The following PRKD1 variants were observed in gnomAD, a reference collection of about 807,000 sequenced individuals.
The protein encoded by PRKD1 is serine/threonine-protein kinase D1.
A neutral mutation model predicts 95.9 loss-of-function variants in PRKD1; 63 were observed. The observed-to-expected ratio is 0.66, with a 90% CI of 0.54 to 0.81. The LOEUF is 0.81. PRKD1 is among the 30% of genes least tolerant of loss of function. PRKD1 has a pLI of 0.00. For synonymous variants in PRKD1, 425 were observed against 423.1 expected (o/e 1.00, Z -0.05); for missense variants, 1,048 against 1,165.3 (o/e 0.90, Z 1.47).
In PRKD1 at chr14:29,705,915, C is replaced by A. The variant is rs372404603; in HGVS notation, c.403+19621G>T. On this transcript the variant is annotated intron_variant, in intron 2 of 17. Coordinates refer to ENST00000331968, the MANE Select transcript of PRKD1 (RefSeq NM_002742.3). ...CTACTTTTGGCTATAATTAATAATG[C>A]TACTATGAATATTTGTGTATAAACT... Among the ~76,000 whole-genome samples the A allele has an allele frequency of 8.6e-4, 131 of 152,184 alleles. 4 individuals carry two copies. In the South Asian group the frequency reaches 0.025, roughly 30 times the overall value.
intron 6 of PRKD1, among the ~76,000 whole-genome samples, 197 bp from the exon 7 acceptor site, chr14:29,636,691 T>C (rs1430202489): frequency 1.3e-5 from 2 of 152,202 alleles, no homozygotes; most frequent in Non-Finnish European, 2.9e-5. Flanking sequence ...TAAACTTGTG[T>C]CATGGGGGTT....
At chr14:29,902,454 T>G (rs1332289148) in intron 1 of PRKD1, among the ~76,000 whole-genome samples, 1 of 152,222 alleles carries the variant, frequency 6.6e-6, no homozygotes, top group Non-Finnish European at 1.5e-5. Flanking sequence ...TTAACAGTTG[T>G]TAATTGTGTA....
intron 1 of PRKD1, among the ~76,000 whole-genome samples, chr14:29,886,672 C>T (rs1212790480): frequency 6.6e-6 from 1 of 152,190 alleles, no homozygotes; most frequent in Non-Finnish European, 1.5e-5. Context: ...AGCCAATTCT[C>T]TTAATAAAAC....
At chr14:29,750,168 A>G (rs2139458154) in intron 1 of PRKD1, among the ~76,000 whole-genome samples, 1 of 152,282 alleles carries the variant, frequency 6.6e-6, no homozygotes, top group Non-Finnish European at 1.5e-5. Context: ...ATTCTAGTAA[A>G]GCAAATTTGT....
chr14:29,919,761 T>C (rs1895021424), intron 1 of PRKD1, among the ~76,000 whole-genome samples: 1 of 144,904 alleles, frequency 6.9e-6, no homozygotes, highest in South Asian at 2.1e-4. Flanking sequence ...AGCACAGGAG[T>C]TCAAGACCAT....
chr14:29,857,953 C>A (rs1018939591), intron 1 of PRKD1, among the ~76,000 whole-genome samples: 1 of 152,132 alleles, frequency 6.6e-6, no homozygotes, highest in Non-Finnish European at 1.5e-5. Context: ...ATCATAGTAC[C>A]ACAGTGAAAT....
At chr14:29,727,201 T>C (rs1254809154) in intron 1 of PRKD1, among the ~76,000 whole-genome samples, 3 of 152,214 alleles carry the variant, frequency 2.0e-5, no homozygotes, top group Admixed American at 6.5e-5. Flanking sequence ...TGTCTTCTTA[T>C]GAGAAGCATC....
intron 16 of PRKD1, among the ~76,000 whole-genome samples, chr14:29,592,191 G>T (rs1594344502): frequency 6.6e-6 from 1 of 151,612 alleles, no homozygotes; most frequent in East Asian, 1.9e-4. Context: ...TATACTGGAG[G>T]ATAACAAATG....
rs1369275237 is a variant in PRKD1 at position 29,602,402 on chromosome 14, C to T, written c.1906-2585G>A. On this transcript the variant is annotated intron_variant, in intron 13 of 17. Coordinates refer to ENST00000331968, the MANE Select transcript of PRKD1 (RefSeq NM_002742.3). ...CTAAATTATCTGAATGATATGAATC[C>T]TTATGTGCCTCTACCTGTATTCCTC... Among the ~76,000 whole-genome samples, 3 of 151,096 alleles carry T rather than the reference C, an allele frequency of 2.0e-5. No individual in the cohort carries two copies. The East Asian group carries it at 5.8e-4, about 29-fold the overall frequency.
intron 13 of PRKD1, among the ~76,000 whole-genome samples, chr14:29,606,902 C>T (rs1191165196): frequency 6.6e-6 from 1 of 152,216 alleles, no homozygotes; most frequent in African/African-American, 2.4e-5. Flanking sequence ...AGCAAGTTCT[C>T]TGAAGACAGA....
chr14:29,581,362 G>T lies in PRKD1; in HGVS notation c.2435-3002C>A, dbSNP rs544220460. The stretch of plus-strand genomic sequence containing the variant: ...TATTCATATAGTCTAGGATTGAGGG[G>T]TTTTCATTCTTTTTTAAAAAATTAC... On this transcript the variant is annotated intron_variant, in intron 16 of 17. Coordinates refer to ENST00000331968, the MANE Select transcript of PRKD1 (RefSeq NM_002742.3). 5.9e-5 allele frequency among the ~76,000 whole-genome samples: 9 copies of T among 152,156 alleles called. No individual in the cohort carries two copies. The East Asian group carries it at 1.7e-3, about 29-fold the overall frequency.
chr14:29,835,632 G>A (rs112985586), intron 1 of PRKD1, among the ~76,000 whole-genome samples: 3,502 of 152,074 alleles, frequency 0.023, 67 homozygotes, highest in South Asian at 0.11. Context: ...GTGCAGTGGC[G>A]CGATCTTGGC....
chr14:29,753,916 G>A (rs1174204118), intron 1 of PRKD1, among the ~76,000 whole-genome samples: 2 of 152,078 alleles, frequency 1.3e-5, no homozygotes, highest in African/African-American at 2.4e-5. Flanking sequence ...GCCTCCTTAC[G>A]TACCTGTGTG....
At chr14:29,642,196 G>T (rs1293667374) in intron 4 of PRKD1, among the ~76,000 whole-genome samples, 1 of 151,724 alleles carries the variant, frequency 6.6e-6, no homozygotes, top group Non-Finnish European at 1.5e-5. Context: ...GAGCCACTGC[G>T]CCTGGCCGGC....
chr14:29,598,470 G>A (rs947832074), intron 15 of PRKD1, among the ~76,000 whole-genome samples: 15 of 152,086 alleles, frequency 9.9e-5, no homozygotes, highest in South Asian at 2.1e-4. Flanking sequence ...TCACTCAAGC[G>A]CTTATTATGA....
At chr14:29,611,321 T>A (rs928744336) in intron 13 of PRKD1, among the ~76,000 whole-genome samples, 1 of 152,186 alleles carries the variant, frequency 6.6e-6, no homozygotes, top group Non-Finnish European at 1.5e-5. Flanking sequence ...AAAAATAAAG[T>A]CTTTTAAAAT....
chr14:29,659,173 C>T (rs1248044565), intron 4 of PRKD1, among the ~76,000 whole-genome samples: 1 of 152,160 alleles, frequency 6.6e-6, no homozygotes, highest in East Asian at 1.9e-4. Flanking sequence ...AGTTGATATC[C>T]CACCTTAGTT....
intron 2 of PRKD1, among the ~76,000 whole-genome samples, chr14:29,685,538 G>C (rs1405615653): frequency 6.6e-6 from 1 of 152,162 alleles, no homozygotes; most frequent in Non-Finnish European, 1.5e-5. Context: ...CACCTTATTT[G>C]AGATTCTTTG....
chr14:29,793,382 C>T (rs1392389526), intron 1 of PRKD1, among the ~76,000 whole-genome samples: 1 of 152,048 alleles, frequency 6.6e-6, no homozygotes, highest in Non-Finnish European at 1.5e-5. Context: ...CCCTGTTCTT[C>T]CTTCAGATAA....
Sources: gnomAD v4.1 joint callset for allele counts (sites outside exome capture counted in the v4.1 genomes callset) on GRCh38, gnomAD v4.1.1 for gene constraint, MANE v1.5 for transcripts, NCBI Gene and HGNC (gene_info 2026-07-23, HGNC 2026-07-21) for gene names.